Variants in PCDHA9 observed in about 807,000 individuals in gnomAD.
The protein encoded by PCDHA9 is protocadherin alpha-9.
Under a neutral mutation model 62.0 loss-of-function variants are expected in PCDHA9, and 62 were observed. That is an observed-to-expected ratio of 1.00 (90% CI 0.81 to 1.23). The LOEUF (loss-of-function observed/expected upper bound fraction) is 1.23, where lower values mean the gene tolerates loss of function less well. Among genes scored for constraint, PCDHA9 ranks in the 50% most tolerant of loss-of-function variants. PCDHA9 has a pLI of 0.00. For missense variants in PCDHA9, 1,205 were observed against 1,249.8 expected (o/e 0.96, Z 0.54); for synonymous variants, 557 against 567.6 (o/e 0.98, Z 0.27).
At chr5:140,926,713 C>G (rs1018008271) in intron 1 of PCDHA9, 16 of 944,684 alleles carry the variant, frequency 1.7e-5, no homozygotes, top group Non-Finnish European at 2.3e-5. Flanking sequence ...CTGGCCAGCC[C>G]CGGCAATGCC....
intron 3 of PCDHA9, among the ~76,000 whole-genome samples, chr5:140,989,538 T>TAAA (rs2097347158): frequency 6.6e-6 from 1 of 152,180 alleles, no homozygotes; most frequent in Non-Finnish European, 1.5e-5. Flanking sequence ...GAAGATAGTT[T>TAAA]GTAATTCCTT....
chr5:140,862,406 T>C, intron 1 of PCDHA9: 1 of 350,092 alleles, frequency 2.9e-6, no homozygotes, highest in Non-Finnish European at 5.6e-6. Flanking sequence ...GTGTCTACCT[T>C]CAAAAGGCGC....
rs146253628 is a variant in PCDHA9 at position 140,848,781 on chromosome 5, T to G, written c.286T>G (p.Cys96Gly). Residue 96 changes from cysteine to glycine, a missense_variant, in exon 1 of 4, where the codon TGC becomes GGC. Physicochemically the swap from Cys to Gly is radical, Grantham distance 159. Around this residue, in one of 3 missense-constraint regions of PCDHA9, gnomAD observed 208 missense variants for 213.2 expected, o/e 0.98. Coordinates refer to ENST00000532602, the MANE Select transcript of PCDHA9 (RefSeq NM_031857.2). ...TTCTCGGATCGACCGCGAGGAGCTG[T>G]GCGGGCGGAGCGCGGAGTGCAGCAT... Reference protein sequence around the residue: ...VNSRIDREELCGRSAECSIHL... With the variant: ...VNSRIDREELGGRSAECSIHL... 4,068 of 1,593,236 alleles carry G rather than the reference T, an allele frequency of 2.6e-3. 389 individuals are homozygous for G. The highest frequency in any genetic ancestry group is 3.0e-3 in the Non-Finnish European group (3,446 of 1,164,036).
intron 1 of PCDHA9, chr5:140,863,482 A>C (rs2048042905): frequency 4.3e-6 from 2 of 466,950 alleles, no homozygotes; most frequent in East Asian, 1.2e-4. Context: ...TCGCCTCCCA[A>C]GGTCAACATT....
chr5:141,005,034 T>C (rs1435712039), intron 3 of PCDHA9, among the ~76,000 whole-genome samples: 1 of 152,222 alleles, frequency 6.6e-6, no homozygotes, highest in Non-Finnish European at 1.5e-5. Flanking sequence ...ATTGCCCATA[T>C]GTGATACCAT....
At chr5:140,928,220 C>G in intron 1 of PCDHA9, 1 of 1,614,166 alleles carries the variant, frequency 6.2e-7, no homozygotes. Context: ...GACAATACAC[C>G]AAACTTTCCT....
chr5:140,849,790 C>G lies in PCDHA9; in HGVS notation c.1295C>G (p.Ser432Trp), dbSNP rs2150450402. 2.5e-6 allele frequency: 4 copies of G among 1,598,236 alleles called. 1 individual carries two copies. The highest frequency in any genetic ancestry group is 2.2e-5 in the East Asian group (1 of 44,828). Reference protein sequence around the residue: ...ELVVTARDGGSPSLWATARVS... With the variant: ...ELVVTARDGGWPSLWATARVS... ...GTGGTTACCGCGCGGGACGGGGGCT[C>G]GCCTTCACTGTGGGCCACGGCCAGG... The change falls in exon 1 of 4, where the codon TCG becomes TGG. Residue 432 changes from serine (S) to tryptophan (W), a missense_variant. Ser to Trp is a radical substitution (Grantham distance 177). This residue lies in a region of PCDHA9 where 887 missense variants were observed against 809.5 expected (regional missense o/e 1.10). Transcript: ENST00000532602.
chr5:141,008,540 T>C (rs1435875214), intron 3 of PCDHA9, among the ~76,000 whole-genome samples: 2 of 152,190 alleles, frequency 1.3e-5, no homozygotes, highest in African/African-American at 4.8e-5. Context: ...ATGTCTTTTA[T>C]TGAAAACTCC....
At chr5:140,995,543 G>T (rs1243799532) in intron 3 of PCDHA9, among the ~76,000 whole-genome samples, 1 of 152,144 alleles carries the variant, frequency 6.6e-6, no homozygotes, top group African/African-American at 2.4e-5. Flanking sequence ...AATAAGGGGC[G>T]ATCACTGTAC....
chr5:140,865,443 G>A (rs192930935), intron 1 of PCDHA9: 1 of 152,292 alleles, frequency 6.6e-6, no homozygotes, highest in East Asian at 1.9e-4. Context: ...TAACTTCTGA[G>A]AAGATGATTT....
intron 1 of PCDHA9, among the ~76,000 whole-genome samples, chr5:140,895,850 AC>A (rs2065202764): frequency 6.6e-6 from 1 of 152,110 alleles, no homozygotes; most frequent in Non-Finnish European, 1.5e-5. Context: ...TCACTCTTGT[AC>A]CCCAGGCTGG....
chr5:140,947,020 G>A (rs782772876), intron 1 of PCDHA9, among the ~76,000 whole-genome samples: 3 of 151,616 alleles, frequency 2.0e-5, no homozygotes, highest in Non-Finnish European at 4.4e-5. Flanking sequence ...AATGTTTGAG[G>A]TAATGGATAT....
At chr5:140,861,610 A>T (rs1268305779) in intron 1 of PCDHA9, 1 of 355,772 alleles carries the variant, frequency 2.8e-6, no homozygotes. Context: ...AACAATAAAG[A>T]CAACCTGCCA....
chr5:140,869,159 T>C, intron 1 of PCDHA9: 1 of 1,613,792 alleles, frequency 6.2e-7, no homozygotes, highest in Non-Finnish European at 8.5e-7. Flanking sequence ...CTCTGGCTTC[T>C]CCTCCTCGAA....
chr5:140,930,766 T>C (rs1476506441), intron 1 of PCDHA9, among the ~76,000 whole-genome samples: 1 of 152,240 alleles, frequency 6.6e-6, no homozygotes, highest in Admixed American at 6.5e-5. Context: ...AAATTTTCTG[T>C]ACTTAATATT....
chr5:140,851,028 C>T lies in PCDHA9; in HGVS notation c.2394+139C>T, dbSNP rs574627365. The T allele has an allele frequency of 7.8e-6, 11 of 1,410,018 alleles. 1 individual carries two copies. The highest frequency in any genetic ancestry group is 3.7e-5 in the South Asian group (2 of 54,752). 87.3% of individuals were successfully genotyped at this position (1,410,018 alleles called of 1,614,324 possible). ...GATTTTTTTTCTGATAAAGTAAACC[C>T]CTTAACATTGGAGCCGACTTTGTCT... On this transcript the variant is annotated intron_variant, in intron 1 of 3. Transcript: ENST00000532602.
At chr5:141,003,423 T>G (rs1278383006) in intron 3 of PCDHA9, among the ~76,000 whole-genome samples, 1 of 152,164 alleles carries the variant, frequency 6.6e-6, no homozygotes, top group Non-Finnish European at 1.5e-5. Context: ...GTGATTCTTA[T>G]GCCTCAGCCT....
At chr5:140,959,956 G>A (rs78198535) in intron 1 of PCDHA9, among the ~76,000 whole-genome samples, 3,568 of 152,304 alleles carry the variant, frequency 0.023, 49 homozygotes, top group Middle Eastern at 0.034. Flanking sequence ...TCATAGGTAG[G>A]AGGTAGATGT....
At position 140,850,724 on chromosome 5, in the gene PCDHA9, C is replaced by A. The variant is rs2150495935; in HGVS notation, c.2229C>A (p.Ser743Arg). The change falls in exon 1 of 4, where the codon AGC becomes AGA. Residue 743 changes from serine to arginine, a missense_variant. Coordinates refer to ENST00000532602, the MANE Select transcript of PCDHA9 (RefSeq NM_031857.2). ...APGKPTLVCS[S>R]AVGSWSYSQQ... ...GCAAGCCGACGCTGGTGTGTTCTAG[C>A]GCGGTGGGGAGTTGGTCGTACTCGC... The A allele has an allele frequency of 5.0e-6, 8 of 1,597,668 alleles. No individual in the cohort carries two copies. In the East Asian group the frequency reaches 1.1e-4, roughly 22 times the overall value.
Sources: allele counts gnomAD v4.1 joint callset (sites outside exome capture counted in the v4.1 genomes callset), GRCh38; gene constraint gnomAD v4.1.1; regional missense constraint gnomAD v4.1.1; transcripts MANE v1.5; gene names NCBI Gene and HGNC (gene_info 2026-07-23, HGNC 2026-07-21).